RIMS1: variants seen among roughly 807,000 people sequenced by gnomAD.
RIMS1 encodes regulating synaptic membrane exocytosis 1.
A neutral mutation model predicts 214.1 loss-of-function variants in RIMS1; 83 were observed. The ratio of observed to expected loss-of-function variants is 0.39; its 90% CI spans 0.32 to 0.47. The LOEUF (loss-of-function observed/expected upper bound fraction) is 0.47. Ranked by LOEUF, RIMS1 falls within the 20% of genes least tolerant of loss-of-function variation. The pLI is 0.99. For missense variants in RIMS1, 2,050 were observed against 2,161.8 expected, an observed-to-expected ratio of 0.95 and a Z score of 1.03; for synonymous variants, 793 against 786.8, an observed-to-expected ratio of 1.01 and a Z score of -0.13.
At chr6:71,892,795 C>T (rs184491613) in intron 1 of RIMS1, among the ~76,000 whole-genome samples, 1 of 152,144 alleles carries the variant, frequency 6.6e-6, no homozygotes, top group East Asian at 1.9e-4. Context: ...AGAATAAAGG[C>T]GAATCCTCTG....
intron 6 of RIMS1, among the ~76,000 whole-genome samples, chr6:72,215,738 A>T (rs2055665337): frequency 6.6e-6 from 1 of 152,174 alleles, no homozygotes; most frequent in African/African-American, 2.4e-5. Context: ...GGGAAAAGAA[A>T]AAAAAGCAAA....
chr6:71,980,148 GA>G (rs1798131801), intron 2 of RIMS1, among the ~76,000 whole-genome samples: 1 of 151,992 alleles, frequency 6.6e-6, no homozygotes, highest in African/African-American at 2.4e-5. Context: ...TGGTTGTTGT[GA>G]AAAAACAGGA....
chr6:72,125,493 C>G (rs1206724934), intron 4 of RIMS1, among the ~76,000 whole-genome samples: 1 of 152,216 alleles, frequency 6.6e-6, no homozygotes, highest in African/African-American at 2.4e-5. Flanking sequence ...AAACTCCATG[C>G]TAGGAGATCC....
At chr6:71,941,836 C>T (rs970609696) in intron 1 of RIMS1, among the ~76,000 whole-genome samples, 1 of 152,150 alleles carries the variant, frequency 6.6e-6, no homozygotes, top group Non-Finnish European at 1.5e-5. Flanking sequence ...CAGGGCAAGC[C>T]TAGGCTTCGT....
intron 6 of RIMS1, among the ~76,000 whole-genome samples, chr6:72,199,544 A>T (rs2496524): frequency 6.6e-6 from 1 of 151,880 alleles, no homozygotes; most frequent in African/African-American, 2.4e-5. Context: ...TGTCTGCATG[A>T]AAATAAAGGT....
chr6:72,341,566 A>G (rs1304917607), intron 29 of RIMS1, among the ~76,000 whole-genome samples: 2 of 151,848 alleles, frequency 1.3e-5, no homozygotes, highest in Admixed American at 1.3e-4. Context: ...ACTATTGGGT[A>G]ACTGTATCTG....
At chr6:71,944,387 G>A (rs1441128451) in intron 1 of RIMS1, among the ~76,000 whole-genome samples, 1 of 152,154 alleles carries the variant, frequency 6.6e-6, no homozygotes, top group Non-Finnish European at 1.5e-5. Context: ...TCCTACCTGG[G>A]GCACAGTGTT....
intron 4 of RIMS1, among the ~76,000 whole-genome samples, chr6:72,169,857 G>C (rs2046784964): frequency 6.6e-6 from 1 of 152,196 alleles, no homozygotes. Context: ...GCTGCAGTGA[G>C]CTGTGATGGT....
intron 2 of RIMS1, among the ~76,000 whole-genome samples, chr6:71,996,959 C>T (rs947443547): frequency 6.6e-6 from 1 of 152,110 alleles, no homozygotes; most frequent in Admixed American, 6.6e-5. Context: ...AGTAACTGCT[C>T]TATAATCATA....
intron 2 of RIMS1, among the ~76,000 whole-genome samples, chr6:72,001,326 ATTC>A (rs1366468313): frequency 6.6e-6 from 1 of 152,166 alleles, no homozygotes; most frequent in Non-Finnish European, 1.5e-5. Flanking sequence ...CGAATTTTCC[ATTC>A]TTCTATATAT....
chr6:71,933,682 T>TCTCACACACA (rs1554212051), intron 1 of RIMS1, among the ~76,000 whole-genome samples: 1 of 139,212 alleles, frequency 7.2e-6, no homozygotes, highest in Non-Finnish European at 1.5e-5. Flanking sequence ...TCTTCCTCAA[T>TCTCACACACA]CACACACACA....
intron 1 of RIMS1, among the ~76,000 whole-genome samples, chr6:71,935,031 A>G (rs1487162897): frequency 3.3e-5 from 5 of 152,236 alleles, no homozygotes; most frequent in Admixed American, 6.5e-5. Flanking sequence ...TTGAATAAAA[A>G]GACAAATTAA....
intron 2 of RIMS1, among the ~76,000 whole-genome samples, chr6:72,093,199 T>C (rs1836757953): frequency 6.8e-6 from 1 of 147,578 alleles, no homozygotes; most frequent in Non-Finnish European, 1.5e-5. Flanking sequence ...GTATTAAGCA[T>C]ATGTATGTGA....
chr6:71,932,433 A>G (rs575071017), intron 1 of RIMS1, among the ~76,000 whole-genome samples: 3 of 152,240 alleles, frequency 2.0e-5, no homozygotes, highest in Admixed American at 2.0e-4. Flanking sequence ...ATGAGATTAC[A>G]TGAACACATA....
chr6:72,201,761 A>G (rs2153993253), intron 6 of RIMS1, among the ~76,000 whole-genome samples: 1 of 152,284 alleles, frequency 6.6e-6, no homozygotes, highest in Non-Finnish European at 1.5e-5. Context: ...ATTTTAACAT[A>G]TTCCTGAGTC....
chr6:71,939,014 C>T (rs1311468899), intron 1 of RIMS1, among the ~76,000 whole-genome samples: 2 of 152,180 alleles, frequency 1.3e-5, no homozygotes, highest in African/African-American at 4.8e-5. Flanking sequence ...AGAAGCCACC[C>T]AGCAGCCTGA....
chr6:71,960,745 TC>T (rs1228933199), intron 1 of RIMS1, among the ~76,000 whole-genome samples: 3 of 152,100 alleles, frequency 2.0e-5, no homozygotes, highest in Non-Finnish European at 4.4e-5. Flanking sequence ...TAAGCAGGCT[TC>T]AGATGTGTTT....
Position 72,252,660 on chromosome 6 carries a change from G to GTA in RIMS1, c.2699-100_2699-99dup, listed in dbSNP as rs2073954516. 8.0e-6 allele frequency: 7 copies of GTA among 874,538 alleles called. No individual in the cohort carries two copies. In the South Asian group the frequency reaches 8.6e-5, roughly 11 times the overall value. 54.2% of individuals were successfully genotyped at this position (874,538 alleles called of 1,614,324 possible). A position where few individuals can be genotyped will look rare whatever the true frequency, so the allele number is the denominator to read the frequency against. On this transcript the variant is annotated intron_variant, in intron 15 of 33. Transcript: ENST00000521978. ...CTGTATTAGTCTTCATAAGTTTTCA[G>GTA]TAATAATGCAATTCACTTTTTAAAA...
intron 2 of RIMS1, among the ~76,000 whole-genome samples, chr6:72,024,152 C>G (rs559026724): frequency 2.0e-5 from 3 of 152,138 alleles, no homozygotes; most frequent in African/African-American, 4.8e-5. Context: ...AAGCATTTCT[C>G]TTACTACATC....
Sources: allele counts gnomAD v4.1 joint callset (sites outside exome capture counted in the v4.1 genomes callset), GRCh38; gene constraint gnomAD v4.1.1; transcripts MANE v1.5; gene names NCBI Gene and HGNC (gene_info 2026-07-23, HGNC 2026-07-21).